The following FAM107B variants were observed in gnomAD, a reference collection of about 807,000 sequenced individuals.
The protein encoded by FAM107B is protein FAM107B.
FAM107B carries 21 observed loss-of-function variants against 31.5 expected under a neutral mutation model. The observed-to-expected ratio is 0.67, with a 90% confidence interval of 0.47 to 0.96. FAM107B has a LOEUF of 0.96. Among genes scored for constraint, FAM107B ranks in the 40% least tolerant of loss-of-function variants. FAM107B has a pLI of 0.00. For synonymous variants in FAM107B, 157 were observed against 141.5 expected (o/e 1.11, Z -0.78); for missense variants, 452 against 377.1 (o/e 1.20, Z -1.64).
chr10:14,591,129 T>A (rs1038958089), intron 2 of FAM107B, among the ~76,000 whole-genome samples: 1 of 152,152 alleles, frequency 6.6e-6, no homozygotes, highest in South Asian at 2.1e-4. Flanking sequence ...AGACTGAGCA[T>A]GAATGTCTCC....
intron 2 of FAM107B, among the ~76,000 whole-genome samples, chr10:14,649,120 A>G (rs919382565): frequency 2.0e-5 from 3 of 152,226 alleles, no homozygotes; most frequent in African/African-American, 7.2e-5. Context: ...ATGCATGATC[A>G]GACATGCCTC....
intron 2 of FAM107B, among the ~76,000 whole-genome samples, chr10:14,569,872 C>T (rs1338363328): frequency 1.3e-5 from 2 of 152,230 alleles, no homozygotes; most frequent in Non-Finnish European, 2.9e-5. Context: ...TTTCAAGAAC[C>T]TTGGCCAGCC....
intron 2 of FAM107B, among the ~76,000 whole-genome samples, chr10:14,624,063 A>G (rs1853089833): frequency 6.6e-6 from 1 of 152,188 alleles, no homozygotes; most frequent in African/African-American, 2.4e-5. Flanking sequence ...CAACCACCGT[A>G]CTGACCCCTA....
chr10:14,678,520 T>G (rs1368676664), intron 1 of FAM107B, among the ~76,000 whole-genome samples: 1 of 152,166 alleles, frequency 6.6e-6, no homozygotes, highest in Non-Finnish European at 1.5e-5. Context: ...ATTCGGGACC[T>G]CCAGAAACTC....
chr10:14,658,112 C>G (rs1408144738), intron 2 of FAM107B, among the ~76,000 whole-genome samples: 3 of 152,134 alleles, frequency 2.0e-5, no homozygotes, highest in African/African-American at 7.2e-5. Context: ...CCTGGCTAAC[C>G]TTCATTTCTT....
At chr10:14,712,469 T>C (rs1855672162) in intron 1 of FAM107B, among the ~76,000 whole-genome samples, 1 of 151,546 alleles carries the variant, frequency 6.6e-6, no homozygotes, top group South Asian at 2.1e-4. Flanking sequence ...TGATGGGCGC[T>C]TGTAACCCCC....
At chr10:14,698,024 C>G (rs1010186982) in intron 1 of FAM107B, among the ~76,000 whole-genome samples, 1 of 152,034 alleles carries the variant, frequency 6.6e-6, no homozygotes. Context: ...ACTCAGGAGG[C>G]TGACGCACAA....
chr10:14,705,583 C>T (rs1002176266), intron 1 of FAM107B, among the ~76,000 whole-genome samples: 35 of 152,174 alleles, frequency 2.3e-4, no homozygotes, highest in African/African-American at 8.4e-4. Context: ...ATCTTGAAGA[C>T]ATTATAATCA....
chr10:14,606,035 G>C (rs1852580911), intron 2 of FAM107B, among the ~76,000 whole-genome samples: 1 of 152,096 alleles, frequency 6.6e-6, no homozygotes, highest in African/African-American at 2.4e-5. Context: ...GAACTTTCCA[G>C]GTGCAAGATG....
chr10:14,576,666 A>T (rs927188307), intron 2 of FAM107B, among the ~76,000 whole-genome samples: 1 of 152,250 alleles, frequency 6.6e-6, no homozygotes, highest in Non-Finnish European at 1.5e-5. Context: ...CATTTACAGT[A>T]GTATTCTGTG....
At chr10:14,583,181 G>C (rs1851708392) in intron 2 of FAM107B, among the ~76,000 whole-genome samples, 1 of 151,988 alleles carries the variant, frequency 6.6e-6, no homozygotes, top group Non-Finnish European at 1.5e-5. Context: ...TCCAGAGCCT[G>C]ATAAATCATA....
intron 3 of FAM107B, among the ~76,000 whole-genome samples, chr10:14,522,646 C>T (rs1196123601): frequency 6.6e-6 from 1 of 151,972 alleles, no homozygotes; most frequent in African/African-American, 2.4e-5. Flanking sequence ...AAACTCCTGA[C>T]CTCGGGATCC....
chr10:14,535,168 C>T (rs922157381), intron 2 of FAM107B, among the ~76,000 whole-genome samples: 2 of 152,144 alleles, frequency 1.3e-5, no homozygotes, highest in Admixed American at 6.5e-5. Context: ...AAGTAACTTA[C>T]TCAAAGTAAC....
intron 1 of FAM107B, among the ~76,000 whole-genome samples, chr10:14,755,711 A>G (rs1832917135): frequency 6.6e-6 from 1 of 152,172 alleles, no homozygotes; most frequent in Non-Finnish European, 1.5e-5. Flanking sequence ...CACAAAATCC[A>G]TAATCACAAG....
chr10:14,572,736 A>ATTATATATATATATATATATATATGT (rs1455058375), intron 2 of FAM107B, among the ~76,000 whole-genome samples: 1 of 86,490 alleles, frequency 1.2e-5, no homozygotes, highest in Non-Finnish European at 2.4e-5. Flanking sequence ...AAAAAAAAAA[A>ATTATATATATATATATATATATATGT]ATTTATATAT....
At chr10:14,692,752 A>G (rs528783308) in intron 1 of FAM107B, among the ~76,000 whole-genome samples, 3 of 152,284 alleles carry the variant, frequency 2.0e-5, no homozygotes, top group African/African-American at 7.2e-5. Context: ...GTGGGCTCTG[A>G]GCTTCAAATA....
intron 2 of FAM107B, among the ~76,000 whole-genome samples, chr10:14,536,805 T>C (rs11259165): frequency 0.14 from 21,910 of 152,124 alleles, 1,671 homozygotes; most frequent in African/African-American, 0.17. Flanking sequence ...GGGACAGTCC[T>C]CTGTGGCTTC....
At chr10:14,526,293 C>T (rs1272191897) in intron 3 of FAM107B, among the ~76,000 whole-genome samples, 1 of 152,172 alleles carries the variant, frequency 6.6e-6, no homozygotes, top group Admixed American at 6.5e-5. Context: ...CCTGCCTCAG[C>T]CTCCCAAGTA....
At chr10:14,628,364 T>C (rs1853231115) in intron 2 of FAM107B, among the ~76,000 whole-genome samples, 1 of 152,100 alleles carries the variant, frequency 6.6e-6, no homozygotes, top group Non-Finnish European at 1.5e-5. Context: ...GTGATCCACC[T>C]GCCTTGATCT....
Sources: allele counts gnomAD v4.1 joint callset (sites outside exome capture counted in the v4.1 genomes callset), GRCh38; gene constraint gnomAD v4.1.1; transcripts MANE v1.5; gene names NCBI Gene and HGNC (gene_info 2026-07-23, HGNC 2026-07-21).